Variants in GPR137C observed in about 807,000 individuals in gnomAD.
GPR137C encodes the protein integral membrane protein GPR137C.
A neutral mutation model predicts 43.4 loss-of-function variants in GPR137C; 27 were observed. The ratio of observed to expected loss-of-function variants is 0.62; its 90% CI spans 0.46 to 0.86. The LOEUF is 0.86. Among genes scored for constraint, GPR137C ranks in the 40% least tolerant of loss-of-function variants. The pLI is 0.00. For missense variants in GPR137C, 522 were observed against 534.6 expected (o/e 0.98, Z 0.23); for synonymous variants, 285 against 226.9 (o/e 1.26, Z -2.30).
At chr14:52,583,044 A>G (rs1028358457) in intron 1 of GPR137C, among the ~76,000 whole-genome samples, 5 of 152,176 alleles carry the variant, frequency 3.3e-5, no homozygotes, top group African/African-American at 9.7e-5. Context: ...ATACTTTCAT[A>G]GAAAGAATAA....
intron 3 of GPR137C, among the ~76,000 whole-genome samples, chr14:52,630,790 T>C (rs188083984): frequency 1.4e-4 from 22 of 152,248 alleles, no homozygotes; most frequent in Admixed American, 1.3e-3. Context: ...TTAACCTACC[T>C]ACACACATAA....
At chr14:52,570,021 A>T (rs939445425) in intron 1 of GPR137C, among the ~76,000 whole-genome samples, 1 of 152,176 alleles carries the variant, frequency 6.6e-6, no homozygotes, top group Non-Finnish European at 1.5e-5. Context: ...CCACAAGAAG[A>T]GCAATGCAAG....
chr14:52,567,084 G>A (rs761721852), intron 1 of GPR137C, among the ~76,000 whole-genome samples: 100 of 152,236 alleles, frequency 6.6e-4, no homozygotes, highest in Non-Finnish European at 1.2e-3. Flanking sequence ...CTGCACTCCA[G>A]CCTGGGTGAC....
intron 1 of GPR137C, among the ~76,000 whole-genome samples, chr14:52,580,233 A>G (rs371284451): frequency 1.3e-5 from 2 of 152,260 alleles, no homozygotes; most frequent in African/African-American, 2.4e-5. Flanking sequence ...AAAATTAGAT[A>G]TGGATATTCG....
At chr14:52,574,322 T>C (rs1310480525) in intron 1 of GPR137C, among the ~76,000 whole-genome samples, 1 of 152,112 alleles carries the variant, frequency 6.6e-6, no homozygotes, top group Non-Finnish European at 1.5e-5. Flanking sequence ...CCAACCCAAA[T>C]GCCCATCAAT....
At chr14:52,593,598 A>G (rs2038812229) in intron 1 of GPR137C, among the ~76,000 whole-genome samples, 1 of 151,882 alleles carries the variant, frequency 6.6e-6, no homozygotes, top group South Asian at 2.1e-4. Flanking sequence ...TTTCTTCTGG[A>G]TTTTCTAGTT....
At chr14:52,577,612 G>A (rs1273594866) in intron 1 of GPR137C, among the ~76,000 whole-genome samples, 1 of 151,422 alleles carries the variant, frequency 6.6e-6, no homozygotes, top group African/African-American at 2.4e-5. Flanking sequence ...AGAAGAGAGA[G>A]GATTCAAATA....
At chr14:52,601,439 T>C (rs113434463) in intron 3 of GPR137C, among the ~76,000 whole-genome samples, 8,328 of 151,974 alleles carry the variant, frequency 0.055, 259 homozygotes, top group Middle Eastern at 0.075. Context: ...TTAATTTTAC[T>C]TTTTAAATAT....
rs2039348417 is a variant in GPR137C, at chr14:52,635,954, C to T, written c.*839C>T. 1 of 152,056 alleles carries T rather than the reference C, an allele frequency of 6.6e-6. No homozygotes were observed. The highest frequency in any genetic ancestry group is 2.1e-4 in the South Asian group (1 of 4,828). The allele number at this position is 152,056 out of a possible 1,614,324, so 9.4% of individuals were successfully genotyped here. On this transcript the variant is annotated 3_prime_UTR_variant, in exon 7 of 7. Transcript: ENST00000321662. ...TTTAGAGATGCATTTAAGAATTATT[C>T]ACAAAATGTGTAATTCTAAATTAAA...
intron 1 of GPR137C, among the ~76,000 whole-genome samples, chr14:52,563,530 G>T (rs948306122): frequency 6.6e-6 from 1 of 152,020 alleles, no homozygotes. Context: ...TGTAATCCCA[G>T]CAACTTGGGA....
chr14:52,608,664 C>G (rs968074913), intron 3 of GPR137C, among the ~76,000 whole-genome samples: 1 of 151,746 alleles, frequency 6.6e-6, no homozygotes, highest in Non-Finnish European at 1.5e-5. Flanking sequence ...GTGAAAGTCT[C>G]TCTTTCACTT....
intron 1 of GPR137C, among the ~76,000 whole-genome samples, chr14:52,572,366 A>G (rs991658602): frequency 6.6e-6 from 1 of 152,196 alleles, no homozygotes; most frequent in Non-Finnish European, 1.5e-5. Flanking sequence ...CTGGCAAACC[A>G]AATCCAGCAG....
Position 52,553,565 on chromosome 14 carries a change from T to G in GPR137C, c.418T>G (p.Cys140Gly). 6.2e-7 allele frequency: 1 copy of G among 1,602,164 alleles called. No individual in the cohort carries two copies. ...CTCCTGTCTCCAGTTCTCCACGCTC[T>G]GTCTCCTCAACCTCTACCTGGCGGA... ...FPSCLQFSTL[C>G]LLNLYLAEVI... Residue 140 changes from cysteine (C) to glycine (G), a missense_variant, in exon 1 of 7, where the codon TGT (cysteine) becomes GGT (glycine). This residue lies in a region of GPR137C where 437 missense variants were observed against 425.7 expected (regional missense o/e 1.03). Transcript: ENST00000321662.
intron 1 of GPR137C, among the ~76,000 whole-genome samples, chr14:52,576,937 C>T (rs1334681411): frequency 6.6e-6 from 1 of 152,088 alleles, no homozygotes; most frequent in East Asian, 1.9e-4. Context: ...CACCTGTAAT[C>T]CCAGCACTTT....
At chr14:52,621,358 A>G (rs2039158984) in intron 3 of GPR137C, among the ~76,000 whole-genome samples, 3 of 151,878 alleles carry the variant, frequency 2.0e-5, no homozygotes, top group Non-Finnish European at 4.4e-5. Context: ...CATTTCCAGA[A>G]AAAAGAAAAC....
At chr14:52,571,192 C>A (rs1244820929) in intron 1 of GPR137C, among the ~76,000 whole-genome samples, 1 of 152,190 alleles carries the variant, frequency 6.6e-6, no homozygotes, top group Non-Finnish European at 1.5e-5. Context: ...TCACTCAAAA[C>A]TGCACAACTA....
chr14:52,624,578 GC>G (rs1566625259), intron 3 of GPR137C, among the ~76,000 whole-genome samples: 1 of 114,504 alleles, frequency 8.7e-6, no homozygotes, highest in African/African-American at 2.7e-5. Flanking sequence ...ACAAAAATTA[GC>G]CGGGTGTGGT....
chr14:52,622,013 C>T (rs1034899668), intron 3 of GPR137C, among the ~76,000 whole-genome samples: 1 of 151,690 alleles, frequency 6.6e-6, no homozygotes, highest in Non-Finnish European at 1.5e-5. Flanking sequence ...TTACATTTTG[C>T]AAATCTCTTT....
intron 3 of GPR137C, among the ~76,000 whole-genome samples, chr14:52,618,217 A>G (rs2039121367): frequency 6.6e-6 from 1 of 152,152 alleles, no homozygotes; most frequent in African/African-American, 2.4e-5. Flanking sequence ...TGTCTGATAG[A>G]TTACATTTTA....
Sources: gnomAD v4.1 joint callset for allele counts (sites outside exome capture counted in the v4.1 genomes callset) on GRCh38, gnomAD v4.1.1 for gene constraint, gnomAD v4.1.1 regional missense constraint, MANE v1.5 for transcripts, NCBI Gene and HGNC (gene_info 2026-07-23, HGNC 2026-07-21) for gene names.